Variants in USP10 observed in about 807,000 individuals in gnomAD.
The protein encoded by USP10 is ubiquitin carboxyl-terminal hydrolase 10.
Under a neutral mutation model 84.5 loss-of-function variants are expected in USP10, and 22 were observed. The ratio of observed to expected loss-of-function variants is 0.26; its 90% CI spans 0.19 to 0.37. USP10 has a LOEUF of 0.37. Among genes scored for constraint, USP10 ranks in the 10% least tolerant of loss-of-function variants. USP10 has a pLI of 1.00. For missense variants in USP10, 1,019 were observed against 998.9 expected (o/e 1.02, Z -0.27); for synonymous variants, 454 against 387.6 (o/e 1.17, Z -2.01).
intron 1 of USP10, among the ~76,000 whole-genome samples, chr16:84,731,242 G>C (rs1567608738): frequency 6.6e-6 from 1 of 150,614 alleles, no homozygotes; most frequent in Non-Finnish European, 1.5e-5. Context: ...GCCTCCCAGA[G>C]TGCTGGGATT....
intron 1 of USP10, among the ~76,000 whole-genome samples, chr16:84,711,379 A>G (rs187319725): frequency 5.6e-4 from 86 of 152,342 alleles, no homozygotes; most frequent in Middle Eastern, 3.4e-3. Flanking sequence ...CCCACAGCTC[A>G]GTGTAACTGT....
At position 84,779,280 on chromosome 16, in the gene USP10, T is replaced by C. The variant is rs971716084; in HGVS notation, c.*198T>C. The stretch of plus-strand genomic sequence containing the variant: ...GACTCTAACTTCCAAATCAAAATCA[T>C]TTGGTTGAAACAGACTGTTGCTTGA... On this transcript the variant is annotated 3_prime_UTR_variant, in exon 14 of 14. Coordinates refer to ENST00000219473, the MANE Select transcript of USP10 (RefSeq NM_005153.3). 21 of 541,752 alleles carry C rather than the reference T, an allele frequency of 3.9e-5. No individual in the cohort carries two copies. The highest frequency in any genetic ancestry group is 1.6e-5 in the Non-Finnish European group (5 of 315,680). 33.6% of individuals were successfully genotyped at this position (541,752 alleles called of 1,614,324 possible). A position where few individuals can be genotyped will look rare whatever the true frequency, so the allele number is the denominator to read the frequency against.
chr16:84,755,116 A>T (rs1597372687), intron 4 of USP10, among the ~76,000 whole-genome samples: 1 of 151,224 alleles, frequency 6.6e-6, no homozygotes, highest in Non-Finnish European at 1.5e-5. Context: ...AGTCTGTTCG[A>T]ACGGGTCAAC....
chr16:84,770,603 T>G (rs1914332376), intron 11 of USP10, among the ~76,000 whole-genome samples: 2 of 151,756 alleles, frequency 1.3e-5, no homozygotes, highest in African/African-American at 4.8e-5. Flanking sequence ...AAACCCCGTC[T>G]CTACTAAAAA....
intron 2 of USP10, among the ~76,000 whole-genome samples, chr16:84,737,719 T>G (rs1910113486): frequency 6.6e-6 from 1 of 152,198 alleles, no homozygotes; most frequent in African/African-American, 2.4e-5. Context: ...TCACCTGGCT[T>G]CCTCATCTGA....
rs537646080 is a variant in USP10 at position 84,764,370 on chromosome 16, G to C, written c.1832+107G>C. On this transcript the variant is annotated intron_variant, in intron 10 of 13. Coordinates refer to ENST00000219473, the MANE Select transcript of USP10 (RefSeq NM_005153.3). Reference sequence around the variant, plus strand: ...GTTTTGAGACTTCTTGGACGTAATGGTTTGCATCTTGCTCCCCTGCCTGCT... The same window carrying C: ...GTTTTGAGACTTCTTGGACGTAATGCTTTGCATCTTGCTCCCCTGCCTGCT... The C allele has an allele frequency of 9.0e-6, 13 of 1,449,188 alleles. No individual in the cohort carries two copies. The African/African-American group carries it at 1.3e-4, about 14-fold the overall frequency. The allele number at this position is 1,449,188 out of a possible 1,614,324, so 89.8% of individuals were successfully genotyped here.
Position 84,768,170 on chromosome 16 carries a change from T to C in USP10, c.1833-23T>C, listed in dbSNP as rs552866098. The C allele has an allele frequency of 4.5e-6, 7 of 1,556,490 alleles. No homozygotes were observed. In the South Asian group the frequency reaches 8.3e-5, roughly 18 times the overall value. On this transcript the variant is annotated intron_variant, in intron 10 of 13. Transcript: ENST00000219473. ...GGCAAGGAGTGGTCTCTTAATTTTTTTGTTTTTGCTTTCAATTCTTAGGTC... is the reference window on the plus strand; with the variant it reads ...GGCAAGGAGTGGTCTCTTAATTTTTCTGTTTTTGCTTTCAATTCTTAGGTC...
chr16:84,762,690 CAA>C (rs68114431), intron 8 of USP10, among the ~76,000 whole-genome samples: 20 of 128,938 alleles, frequency 1.6e-4, no homozygotes, highest in East Asian at 4.4e-4. Flanking sequence ...GACTTTGTCT[CAA>C]AAAAAAAAAA....
intron 3 of USP10, among the ~76,000 whole-genome samples, chr16:84,741,852 G>A (rs1275765190): frequency 6.6e-6 from 1 of 152,156 alleles, no homozygotes; most frequent in African/African-American, 2.4e-5. Context: ...TCTCTTTCCA[G>A]CCTGCTCAGC....
At chr16:84,740,812 C>T (rs867037783) in intron 3 of USP10, among the ~76,000 whole-genome samples, 9 of 152,228 alleles carry the variant, frequency 5.9e-5, no homozygotes, top group South Asian at 4.1e-4. Flanking sequence ...CCTGGTCTGT[C>T]GCTGACTCTT....
chr16:84,774,691 C>T (rs571450898), intron 12 of USP10, among the ~76,000 whole-genome samples: 56 of 152,208 alleles, frequency 3.7e-4, no homozygotes, highest in South Asian at 2.5e-3. Context: ...AGGATGGTCT[C>T]GATCTCCTGA....
intron 1 of USP10, among the ~76,000 whole-genome samples, chr16:84,730,317 A>G (rs1472450026): frequency 6.6e-6 from 1 of 151,798 alleles, no homozygotes; most frequent in African/African-American, 2.4e-5. Flanking sequence ...TTCTTCTTTT[A>G]ATAGTATTTT....
At chr16:84,775,269 T>C (rs765881080) in intron 13 of USP10, 44 bp downstream of exon 13, 2 of 1,588,978 alleles carry the variant, frequency 1.3e-6, no homozygotes, top group East Asian at 4.5e-5. Flanking sequence ...AAAACACTGA[T>C]GAAGGGGTTT....
chr16:84,769,990 T>G (rs1914259265), intron 11 of USP10, among the ~76,000 whole-genome samples: 1 of 152,152 alleles, frequency 6.6e-6, no homozygotes. Flanking sequence ...ACGCCCTTAG[T>G]CCCAGCACTT....
chr16:84,744,085 A>G (rs1304645588), intron 3 of USP10, among the ~76,000 whole-genome samples: 1 of 151,042 alleles, frequency 6.6e-6, no homozygotes, highest in Middle Eastern at 3.2e-3. Context: ...TTTTTTTGAC[A>G]TCTTTTTTTT....
intron 4 of USP10, among the ~76,000 whole-genome samples, chr16:84,746,163 GA>G (rs1410731104): frequency 1.3e-5 from 1 of 76,344 alleles, no homozygotes; most frequent in Non-Finnish European, 2.3e-5. Context: ...AGCTCTTGAA[GA>G]GAAAAAAAAT....
intron 1 of USP10, among the ~76,000 whole-genome samples, chr16:84,710,122 T>C: frequency 6.6e-6 from 1 of 151,984 alleles, no homozygotes; most frequent in Non-Finnish European, 1.5e-5. Context: ...ATACAAAAAT[T>C]AGCCGGGCGT....
chr16:84,703,369 C>T (rs1442001600), intron 1 of USP10, among the ~76,000 whole-genome samples: 2 of 152,206 alleles, frequency 1.3e-5, no homozygotes, highest in Non-Finnish European at 2.9e-5. Context: ...ATTTGAATGT[C>T]ATGCAGTTGG....
At chr16:84,700,371 G>C (rs1440655516) in intron 1 of USP10, among the ~76,000 whole-genome samples, 2 of 151,986 alleles carry the variant, frequency 1.3e-5, no homozygotes, top group South Asian at 2.1e-4. Flanking sequence ...GGAGGGCGTG[G>C]AGGGCGCCGA....
Sources: allele counts gnomAD v4.1 joint callset (sites outside exome capture counted in the v4.1 genomes callset), GRCh38; gene constraint gnomAD v4.1.1; transcripts MANE v1.5; gene names NCBI Gene and HGNC (gene_info 2026-07-23, HGNC 2026-07-21).